The following RXRA variants were observed in gnomAD, a reference collection of about 807,000 sequenced individuals.
RXRA encodes the protein retinoic acid receptor RXR-alpha.
RXRA carries 5 observed loss-of-function variants against 44.5 expected under a neutral mutation model. The ratio of observed to expected loss-of-function variants is 0.11; its 90% CI spans 0.06 to 0.24. The LOEUF (loss-of-function observed/expected upper bound fraction) is 0.24, where lower values mean the gene tolerates loss of function less well. RXRA is among the 10% of genes least tolerant of loss of function. The pLI, the probability that RXRA is intolerant of heterozygous loss-of-function variation, is 1.00. For missense variants in RXRA, 412 were observed against 646.5 expected, an observed-to-expected ratio of 0.64 and a Z score of 3.93; for synonymous variants, 291 against 271.4, an observed-to-expected ratio of 1.07 and a Z score of -0.71.
rs534709097 is a variant in RXRA, at chr9:134,433,922, C to T, written c.1136-180C>T. 7.9e-5 allele frequency among the ~76,000 whole-genome samples: 12 copies of T among 152,184 alleles called. No homozygotes were observed. Among genetic ancestry groups the T allele is most frequent in the Admixed American group, 2.6e-4 (4 of 15,300 alleles). On this transcript the variant is annotated intron_variant, in intron 8 of 9. Transcript: ENST00000481739. This position sits in a 1 kb window ranked among gnomAD's most constrained non-coding sequence, Gnocchi z 4.2. ...CTGGCCTGGCCGTGGGTTCCACAGT[C>T]GTCCCCCTGCCACCAGGCTCTGGGG...
At position 134,407,874 on chromosome 9, in the gene RXRA, T is replaced by C. The variant is rs1831080524; in HGVS notation, c.280-275T>C. On this transcript the variant is annotated intron_variant, in intron 2 of 9. Transcript: ENST00000481739. The surrounding 1 kb of genome is among the most constrained non-coding windows in gnomAD (Gnocchi z 4.8). ...GTTGCAAGCAGGGACCGCCCATGTG[T>C]TGGGGGGGGTGTTGAAGGTCCTTTT... Among the ~76,000 whole-genome samples the C allele has an allele frequency of 1.3e-5, 2 of 151,584 alleles. No homozygotes were observed. The highest frequency in any genetic ancestry group is 2.9e-5 in the Non-Finnish European group (2 of 67,862).
intron 1 of RXRA, among the ~76,000 whole-genome samples, chr9:134,351,044 T>A (rs1821632880): frequency 1.3e-5 from 2 of 152,230 alleles, no homozygotes; most frequent in African/African-American, 4.8e-5. Context: ...GGCCTCAGAC[T>A]TCATGGGAAG....
At chr9:134,359,285 T>C (rs1206197056) in intron 1 of RXRA, among the ~76,000 whole-genome samples, 1 of 151,980 alleles carries the variant, frequency 6.6e-6, no homozygotes, top group African/African-American at 2.4e-5. Flanking sequence ...GGCTGTGAGA[T>C]GGGTGTGCTG....
At chr9:134,378,345 G>A (rs1348965885) in intron 1 of RXRA, among the ~76,000 whole-genome samples, 1 of 53,250 alleles carries the variant, frequency 1.9e-5, no homozygotes, top group Non-Finnish European at 5.2e-5. Flanking sequence ...GAAGGCGTGT[G>A]TGCCGGCCAG....
At chr9:134,408,450 C>T (rs1831093004) in intron 3 of RXRA, 151 bp downstream of exon 3, 1 of 794,538 alleles carries the variant, frequency 1.3e-6, no homozygotes, top group African/African-American at 1.8e-5. Flanking sequence ...GCCCCACTCC[C>T]AGGGCTCCGC....
intron 4 of RXRA, among the ~76,000 whole-genome samples, chr9:134,416,651 C>A (rs911510000): frequency 6.6e-6 from 1 of 151,874 alleles, no homozygotes; most frequent in African/African-American, 2.4e-5. Flanking sequence ...CCCTCCCCCG[C>A]CCCCCGCCGC....
chr9:134,439,207 C>G lies in RXRA; in HGVS notation c.*2593C>G, dbSNP rs1831685950. The G allele has an allele frequency of 6.6e-6, 1 of 152,256 alleles. No individual in the cohort carries two copies. The highest frequency in any genetic ancestry group is 2.4e-5 in the African/African-American group (1 of 41,458). The allele number at this position is 152,256 out of a possible 1,614,324, so 9.4% of individuals were successfully genotyped here. On this transcript the variant is annotated 3_prime_UTR_variant, in exon 10 of 10. Coordinates refer to ENST00000481739, the MANE Select transcript of RXRA (RefSeq NM_002957.6). ...GCACTAACATCAGCTCATTAGCCACCTGTGCCTGTCCCCGCCTTGGCCCGG... is the reference window on the plus strand; with the variant it reads ...GCACTAACATCAGCTCATTAGCCACGTGTGCCTGTCCCCGCCTTGGCCCGG...
chr9:134,379,528 GC>G, intron 1 of RXRA: 1 of 986,058 alleles, frequency 1.0e-6, no homozygotes, highest in Non-Finnish European at 1.2e-6. Context: ...ACTGCCAGTG[GC>G]CGTGGCCCAG....
At chr9:134,329,516 G>A (rs1255989925) in intron 1 of RXRA, among the ~76,000 whole-genome samples, 3 of 152,336 alleles carry the variant, frequency 2.0e-5, no homozygotes, top group Middle Eastern at 3.4e-3. Context: ...GCCTGGACCC[G>A]AGCATGCAGC....
chr9:134,424,343 G>T, intron 6 of RXRA: 2 of 985,372 alleles, frequency 2.0e-6, no homozygotes. Flanking sequence ...CCTGCCCAGC[G>T]GCTCTTTCCG....
intron 1 of RXRA, among the ~76,000 whole-genome samples, chr9:134,390,414 T>C (rs573499510): frequency 7.9e-5 from 12 of 152,178 alleles, no homozygotes; most frequent in Non-Finnish European, 1.5e-4. Context: ...AAGCCCCCAG[T>C]CTGGGACAGT....
intron 4 of RXRA, among the ~76,000 whole-genome samples, chr9:134,410,509 GA>G (rs1456869446): frequency 6.6e-6 from 1 of 152,258 alleles, no homozygotes; most frequent in African/African-American, 2.4e-5. Context: ...ACCCAGCCTG[GA>G]GAGGTGTGGA....
chr9:134,427,241 C>T, intron 6 of RXRA: 1 of 882,188 alleles, frequency 1.1e-6, no homozygotes, highest in Non-Finnish European at 1.4e-6. Context: ...GTTTTCGCGG[C>T]TGGCTCGGCT....
chr9:134,419,904 A>G (rs1040833231), intron 5 of RXRA, among the ~76,000 whole-genome samples: 2 of 152,126 alleles, frequency 1.3e-5, no homozygotes, highest in African/African-American at 4.8e-5. Context: ...CCAGCCTGCC[A>G]CATTCTGCTC....
intron 5 of RXRA, among the ~76,000 whole-genome samples, chr9:134,418,005 G>A (rs946204810): frequency 6.6e-6 from 1 of 152,088 alleles, no homozygotes; most frequent in Non-Finnish European, 1.5e-5. Flanking sequence ...CCCTGGCCTC[G>A]CCCTCCTCTC....
At chr9:134,429,924 C>T (rs1274776662) in intron 7 of RXRA, among the ~76,000 whole-genome samples, 3 of 151,936 alleles carry the variant, frequency 2.0e-5, no homozygotes, top group Non-Finnish European at 2.9e-5. Context: ...CTCGCTCTGT[C>T]GCCCAGGCTA....
In RXRA at chr9:134,433,880, C is replaced by A; in HGVS notation, c.1136-222C>A. On this transcript the variant is annotated intron_variant, in intron 8 of 9. Coordinates refer to ENST00000481739, the MANE Select transcript of RXRA (RefSeq NM_002957.6). This position sits in a 1 kb window ranked among gnomAD's most constrained non-coding sequence, Gnocchi z 4.2. ...GTGGCTGGCAAGTGGCAGAGCTGAG[C>A]CTGGACCCAGAGCAGCCTGGCCTGG... Among the ~76,000 whole-genome samples, 1 of 152,176 alleles carries A rather than the reference C, an allele frequency of 6.6e-6. No individual in the cohort carries two copies. Among genetic ancestry groups the A allele is most frequent in the South Asian group, 2.1e-4 (1 of 4,832 alleles).
chr9:134,339,621 C>G (rs1554747826), intron 1 of RXRA, among the ~76,000 whole-genome samples: 1 of 129,720 alleles, frequency 7.7e-6, no homozygotes, highest in African/African-American at 3.0e-5. Flanking sequence ...GTGTGAGTCT[C>G]TGTGTGTGTG....
At chr9:134,329,384 T>G (rs1277511463) in intron 1 of RXRA, among the ~76,000 whole-genome samples, 2 of 152,182 alleles carry the variant, frequency 1.3e-5, no homozygotes, top group Non-Finnish European at 2.9e-5. Flanking sequence ...GGGTGTTTGT[T>G]TTGGTAAACT....
Sources: allele counts gnomAD v4.1 joint callset (sites outside exome capture counted in the v4.1 genomes callset), GRCh38; gene constraint gnomAD v4.1.1; non-coding constraint Gnocchi (gnomAD v3.1); transcripts MANE v1.5; gene names NCBI Gene and HGNC (gene_info 2026-07-23, HGNC 2026-07-21).